The following ODF2L variants were observed in gnomAD, a reference collection of about 807,000 sequenced individuals.
ODF2L encodes protein BCAP.
In ODF2L, 76 loss-of-function variants were observed where a neutral mutation model predicts 86.3. The observed-to-expected ratio is 0.88, with a 90% CI of 0.73 to 1.07. The LOEUF is 1.07. Ranked by LOEUF, ODF2L falls within the 50% of genes least tolerant of loss-of-function variation. ODF2L has a pLI of 0.00. For missense variants in ODF2L, 748 were observed against 717.4 expected (o/e 1.04, Z -0.49); for synonymous variants, 241 against 231.3 (o/e 1.04, Z -0.38).
intron 2 of ODF2L, 182 bp downstream of exon 2, chr1:86,386,733 T>C (rs1388148605): frequency 2.9e-5 from 12 of 417,698 alleles, no homozygotes; most frequent in South Asian, 9.3e-5. Flanking sequence ...AAAAAACTAG[T>C]TGAATTCTGC....
intron 1 of ODF2L, among the ~76,000 whole-genome samples, chr1:86,390,723 A>G (rs1417189379): frequency 1.3e-5 from 2 of 152,218 alleles, no homozygotes; most frequent in Non-Finnish European, 2.9e-5. Flanking sequence ...CATAGCCAAC[A>G]TAATACTGAA....
intron 11 of ODF2L, among the ~76,000 whole-genome samples, chr1:86,365,589 A>G (rs1052171277): frequency 3.9e-5 from 6 of 152,238 alleles, no homozygotes; most frequent in Admixed American, 1.3e-4. Context: ...AACTAAACAC[A>G]TTGTAAAATC....
intron 13 of ODF2L, 41 bp from the exon 13 acceptor site, chr1:86,356,643 T>C: frequency 6.4e-7 from 1 of 1,558,708 alleles, no homozygotes. Context: ...AGATCACACA[T>C]TCAGCATTAA....
intron 2 of ODF2L, 116 bp downstream of exon 2, chr1:86,386,799 T>A: frequency 1.9e-6 from 1 of 537,618 alleles, no homozygotes; most frequent in South Asian, 3.3e-5. Flanking sequence ...AATACTAGAT[T>A]TGGAAAAGAT....
intron 11 of ODF2L, 63 bp from the exon 11 acceptor site, chr1:86,360,599 A>G (rs1343694562): frequency 2.9e-6 from 2 of 691,572 alleles, no homozygotes; most frequent in Non-Finnish European, 5.0e-6. Context: ...GTGCTACAGA[A>G]TTATTATAAA....
At chr1:86,353,163 G>A (rs272498) in intron 16 of ODF2L, among the ~76,000 whole-genome samples, 179 bp from the exon 16 acceptor site, 55,309 of 151,972 alleles carry the variant, frequency 0.36, 10,487 homozygotes, top group African/African-American at 0.48. Flanking sequence ...ACTTATCTTC[G>A]CAGCACTAAA....
chr1:86,393,244 C>G (rs1362927398), intron 1 of ODF2L, among the ~76,000 whole-genome samples: 1 of 152,194 alleles, frequency 6.6e-6, no homozygotes, highest in Non-Finnish European at 1.5e-5. Context: ...CTAACTTCCA[C>G]TGGCTTCAAA....
chr1:86,376,041 T>C (rs901526176), intron 8 of ODF2L, among the ~76,000 whole-genome samples, 192 bp downstream of exon 8: 1 of 152,166 alleles, frequency 6.6e-6, no homozygotes, highest in African/African-American at 2.4e-5. Context: ...AATGCTGATA[T>C]ATTTCAATAT....
At chr1:86,384,843 C>T in intron 3 of ODF2L, 42 bp from the exon 4 acceptor site, 4 of 1,417,182 alleles carry the variant, frequency 2.8e-6, no homozygotes, top group Non-Finnish European at 3.7e-6. Context: ...TAAGACACAG[C>T]ATTAAATAAA....
chr1:86,368,173 G>C (rs554987962), intron 11 of ODF2L, among the ~76,000 whole-genome samples: 1 of 152,238 alleles, frequency 6.6e-6, no homozygotes, highest in African/African-American at 2.4e-5. Flanking sequence ...CCCTATCTTG[G>C]AAGTGCTTAT....
chr1:86,376,202 T>A, intron 8 of ODF2L, 31 bp downstream of exon 8: 1 of 1,295,452 alleles, frequency 7.7e-7, no homozygotes, highest in Non-Finnish European at 1.1e-6. Flanking sequence ...ATAATAGATC[T>A]TTTAATTTTA....
Position 86,384,670 on chromosome 1 carries a change from C to T in ODF2L, c.372+6G>A, listed in dbSNP as rs369722827. The T allele has an allele frequency of 9.0e-6, 13 of 1,441,330 alleles. No homozygotes were observed. In the African/African-American group the frequency reaches 1.3e-4, roughly 15 times the overall value. 89.3% of individuals were successfully genotyped at this position (1,441,330 alleles called of 1,614,324 possible). A position where few individuals can be genotyped will look rare whatever the true frequency, so the allele number is the denominator to read the frequency against. ...TTAAAATGAGTGCTTAGTGTTGATGCCTTACTTGTTTGTAGTCTCTCTTTC... is the reference window on the plus strand; with the variant it reads ...TTAAAATGAGTGCTTAGTGTTGATGTCTTACTTGTTTGTAGTCTCTCTTTC... On this transcript the variant is annotated splice_donor_region_variant and intron_variant, in intron 4 of 17. Coordinates refer to ENST00000317336, the Ensembl canonical transcript of ODF2L.
At chr1:86,347,294 T>A (rs1163774516), downstream of ODF2L, 1 of 152,226 alleles carries the variant, frequency 6.6e-6, no homozygotes, top group Non-Finnish European at 1.5e-5. Context: ...GATATTTATA[T>A]GACTAAGATA....
At chr1:86,362,516 T>G (rs1481261900) in intron 11 of ODF2L, among the ~76,000 whole-genome samples, 1 of 151,628 alleles carries the variant, frequency 6.6e-6, no homozygotes, top group Non-Finnish European at 1.5e-5. Context: ...AGCTCAAACT[T>G]CTGAGCTGAG....
intron 16 of ODF2L, 90 bp from the exon 16 acceptor site, chr1:86,353,074 C>A (rs1658264789): frequency 1.2e-6 from 1 of 816,690 alleles, no homozygotes; most frequent in Non-Finnish European, 2.0e-6. Context: ...TTTTTCTAAA[C>A]AGATATTACT....
Position 86,383,006 on chromosome 1 carries a change from G to T in ODF2L, c.436-4C>A, listed in dbSNP as rs547453723. 1.4e-6 allele frequency: 2 copies of T among 1,470,890 alleles called. No individual in the cohort carries two copies. Among genetic ancestry groups the T allele is most frequent in the East Asian group, 4.5e-5 (2 of 43,982 alleles). 91.1% of individuals were successfully genotyped at this position (1,470,890 alleles called of 1,614,324 possible). A position where few individuals can be genotyped will look rare whatever the true frequency, so the allele number is the denominator to read the frequency against. ...CAAATACCTTCTTCTTAAGATTCTTGAGCAAATATAAAATAAGAATTAGGA... is the reference window on the plus strand; with the variant it reads ...CAAATACCTTCTTCTTAAGATTCTTTAGCAAATATAAAATAAGAATTAGGA... On this transcript the variant is annotated splice_polypyrimidine_tract_variant and splice_region_variant and intron_variant, in intron 5 of 17. Coordinates refer to ENST00000317336, the Ensembl canonical transcript of ODF2L.
Position 86,376,364 on chromosome 1 carries a change from C to T in ODF2L, c.679G>A (p.Glu227Lys), listed in dbSNP as rs376030687. The stretch of plus-strand genomic sequence containing the variant: ...CTTGCTTCTTTCATCACTATAGCCT[C>T]ATTCTTATTCATTCTTGATTGCAGG... Residue 227 changes from glutamate (E) to lysine (K), a missense_variant, in exon 8 of 18, where the codon GAG (glutamate) becomes AAG (lysine). Physicochemically the swap from Glu to Lys is moderately conservative, Grantham distance 56. Coordinates refer to ENST00000317336, the Ensembl canonical transcript of ODF2L. 1.1e-5 allele frequency: 18 copies of T among 1,608,232 alleles called. No homozygotes were observed. The African/African-American group carries it at 2.1e-4, about 19-fold the overall frequency.
exon 18 of ODF2L, chr1:86,352,146 T>A: frequency 6.7e-7 from 1 of 1,498,494 alleles, no homozygotes; most frequent in Non-Finnish European, 8.9e-7. Flanking sequence ...TTGAATCTTT[T>A]AGGTTTTCAA....
At chr1:86,354,840 A>G (rs774473831) in exon 15 of ODF2L, 5 of 1,602,656 alleles carry the variant, frequency 3.1e-6, no homozygotes. Flanking sequence ...CTTTGTCAGA[A>G]GATTGTGATT....
Sources: allele counts gnomAD v4.1 joint callset (sites outside exome capture counted in the v4.1 genomes callset), GRCh38; gene constraint gnomAD v4.1.1; transcripts MANE v1.5; gene names NCBI Gene and HGNC (gene_info 2026-07-23, HGNC 2026-07-21).